The following EML4 variants were observed in gnomAD, a reference collection of about 807,000 sequenced individuals.
EML4 encodes echinoderm microtubule-associated protein-like 4.
Under a neutral mutation model 129.0 loss-of-function variants are expected in EML4, and 72 were observed. The observed-to-expected ratio is 0.56, with a 90% confidence interval of 0.46 to 0.68. The LOEUF is 0.68. Ranked by LOEUF, EML4 falls within the 30% of genes least tolerant of loss-of-function variation. EML4 has a pLI of 0.00. For synonymous variants in EML4, 532 were observed against 405.0 expected (o/e 1.31, Z -3.77); for missense variants, 1,363 against 1,190.6 (o/e 1.14, Z -2.13).
At chr2:42,175,238 C>T (rs748269169) in intron 1 of EML4, among the ~76,000 whole-genome samples, 9 of 151,954 alleles carry the variant, frequency 5.9e-5, no homozygotes, top group South Asian at 4.1e-4. Flanking sequence ...TCAAGCCTCC[C>T]GAGTAGCTGG....
intron 1 of EML4, among the ~76,000 whole-genome samples, chr2:42,233,413 C>G (rs1674474484): frequency 6.6e-6 from 1 of 151,616 alleles, no homozygotes; most frequent in South Asian, 2.1e-4. Context: ...TCACACCATT[C>G]TCCTGCCTCA....
intron 6 of EML4, among the ~76,000 whole-genome samples, chr2:42,279,780 TTTTATTA>T (rs928948807): frequency 1.3e-5 from 2 of 151,564 alleles, no homozygotes; most frequent in African/African-American, 2.4e-5. Flanking sequence ...GGCTGTCTTT[TTTTATTA>T]TTATTATTAT....
intron 1 of EML4, among the ~76,000 whole-genome samples, chr2:42,193,854 A>G (rs538824923): frequency 6.6e-6 from 1 of 151,962 alleles, no homozygotes; most frequent in African/African-American, 2.4e-5. Context: ...CCCAGCTAGT[A>G]TCTTTATGTT....
rs200551362 is a variant in EML4, at chr2:42,244,101, G to T, written c.26-1404G>T. Among the ~76,000 whole-genome samples, 571 of 81,326 alleles carry T rather than the reference G, an allele frequency of 7.0e-3. 1 individual carries two copies. Among genetic ancestry groups the T allele is most frequent in the Non-Finnish European group, 0.012 (415 of 33,334 alleles). 53.4% of individuals were successfully genotyped at this position (81,326 alleles called of 152,430 possible). A position where few individuals can be genotyped will look rare whatever the true frequency, so the allele number is the denominator to read the frequency against. The stretch of plus-strand genomic sequence containing the variant: ...TTTTTGTTTTTTGTTTTTGTTTTTT[G>T]TTTTTTTTTTTTTTTTGAGACGGGG... On this transcript the variant is annotated intron_variant, in intron 1 of 22. Coordinates refer to ENST00000318522, the MANE Select transcript of EML4 (RefSeq NM_019063.5).
intron 1 of EML4, among the ~76,000 whole-genome samples, chr2:42,185,195 C>G (rs933120400): frequency 6.6e-6 from 1 of 152,066 alleles, no homozygotes; most frequent in African/African-American, 2.4e-5. Flanking sequence ...CACCTTCTGG[C>G]CAGCCTGGTC....
chr2:42,227,709 C>T (rs1377698938), intron 1 of EML4, among the ~76,000 whole-genome samples: 1 of 152,186 alleles, frequency 6.6e-6, no homozygotes, highest in Non-Finnish European at 1.5e-5. Flanking sequence ...CCTCCTCTGC[C>T]TATGCAGCAT....
rs540015077 is a variant in EML4, at chr2:42,200,218, G to T, written c.25+30582G>T. Among the ~76,000 whole-genome samples the T allele has an allele frequency of 3.3e-5, 5 of 151,762 alleles. No individual in the cohort carries two copies. The South Asian group carries it at 1.0e-3, about 32-fold the overall frequency. ...TGGGCACCTGTAGTCCCAGCTACTC[G>T]GGAGGCTGAGGCAGGAGAATGGTGT... On this transcript the variant is annotated intron_variant, in intron 1 of 22. Transcript: ENST00000318522.
chr2:42,269,758 A>G (rs972638288), intron 6 of EML4, among the ~76,000 whole-genome samples: 1 of 152,216 alleles, frequency 6.6e-6, no homozygotes, highest in African/African-American at 2.4e-5. Flanking sequence ...CTATTAAGGA[A>G]TAGCAAGGAG....
intron 19 of EML4, among the ~76,000 whole-genome samples, chr2:42,317,960 G>C: frequency 6.6e-6 from 1 of 152,174 alleles, no homozygotes; most frequent in East Asian, 1.9e-4. Flanking sequence ...GCATTTAAGA[G>C]AGTTAACAGA....
intron 14 of EML4, among the ~76,000 whole-genome samples, chr2:42,301,599 A>T (rs1389955405): frequency 1.3e-5 from 2 of 151,840 alleles, no homozygotes; most frequent in Non-Finnish European, 2.9e-5. Flanking sequence ...GACTATTTTT[A>T]AAGATTAGGC....
intron 17 of EML4, among the ~76,000 whole-genome samples, chr2:42,313,784 C>A (rs895877387): frequency 1.3e-5 from 2 of 151,814 alleles, no homozygotes; most frequent in African/African-American, 4.8e-5. Flanking sequence ...AGAAAATTAT[C>A]TGGGCGTGGT....
intron 7 of EML4, among the ~76,000 whole-genome samples, chr2:42,282,534 C>T (rs564036178): frequency 5.9e-5 from 9 of 152,222 alleles, no homozygotes; most frequent in African/African-American, 2.2e-4. Flanking sequence ...GCTGGAACTA[C>T]AGGCACAGGC....
At chr2:42,263,335 T>G in intron 5 of EML4, 29 bp downstream of exon 5, 1 of 1,582,400 alleles carries the variant, frequency 6.3e-7, no homozygotes, top group Non-Finnish European at 8.6e-7. Flanking sequence ...TCATTATATC[T>G]GAAAAGTAAT....
intron 1 of EML4, among the ~76,000 whole-genome samples, chr2:42,186,862 A>T (rs892236696): frequency 2.6e-5 from 4 of 152,104 alleles, no homozygotes; most frequent in African/African-American, 9.7e-5. Context: ...ATGGGTCTTT[A>T]AAAAATTTAT....
chr2:42,232,258 G>GA (rs1410744382), intron 1 of EML4, among the ~76,000 whole-genome samples: 1 of 151,924 alleles, frequency 6.6e-6, no homozygotes, highest in Non-Finnish European at 1.5e-5. Context: ...GAGGTGGTGG[G>GA]AAAAAAAGCC....
intron 11 of EML4, 97 bp from the exon 12 acceptor site, chr2:42,295,028 C>G (rs994707226): frequency 2.5e-5 from 27 of 1,100,550 alleles, no homozygotes; most frequent in Non-Finnish European, 3.3e-5. Flanking sequence ...TTCTCAAAAT[C>G]TTGCCCTATC....
chr2:42,313,129 T>C (rs1247616094), intron 17 of EML4, among the ~76,000 whole-genome samples: 2 of 151,308 alleles, frequency 1.3e-5, no homozygotes, highest in African/African-American at 2.4e-5. Context: ...TTTATATTCT[T>C]AGTAGAGATG....
intron 16 of EML4, among the ~76,000 whole-genome samples, chr2:42,304,053 C>T (rs748856596): frequency 8.5e-5 from 13 of 152,140 alleles, no homozygotes; most frequent in Non-Finnish European, 1.5e-4. Flanking sequence ...ATTTGTGCCT[C>T]GGGTGGCATT....
intron 1 of EML4, among the ~76,000 whole-genome samples, chr2:42,172,981 C>T (rs1253785133): frequency 1.3e-5 from 2 of 152,126 alleles, no homozygotes; most frequent in Admixed American, 1.3e-4. Context: ...TTAAATTTTT[C>T]TGCCTCAAAA....
Sources: allele counts gnomAD v4.1 joint callset (sites outside exome capture counted in the v4.1 genomes callset), GRCh38; gene constraint gnomAD v4.1.1; transcripts MANE v1.5; gene names NCBI Gene and HGNC (gene_info 2026-07-23, HGNC 2026-07-21).